The following DOCK5 variants were observed in gnomAD, a reference collection of about 807,000 sequenced individuals.
DOCK5 encodes the protein dedicator of cytokinesis protein 5.
A neutral mutation model predicts 251.8 loss-of-function variants in DOCK5; 142 were observed. That is an observed-to-expected ratio of 0.56 (90% CI 0.49 to 0.65). The LOEUF (loss-of-function observed/expected upper bound fraction) is 0.65, where lower values mean the gene tolerates loss of function less well. Ranked by LOEUF, DOCK5 falls within the 30% of genes least tolerant of loss-of-function variation. The pLI, the probability that DOCK5 is intolerant of heterozygous loss-of-function variation, is 0.00. For missense variants in DOCK5, 2,111 were observed against 2,312.3 expected, an observed-to-expected ratio of 0.91 and a Z score of 1.79; for synonymous variants, 842 against 835.5, an observed-to-expected ratio of 1.01 and a Z score of -0.13.
rs566970951 is a variant in DOCK5, at chr8:25,348,402, G to A, written c.2754+2791G>A. Among the ~76,000 whole-genome samples the A allele has an allele frequency of 4.6e-5, 7 of 152,226 alleles. No individual in the cohort carries two copies. In the South Asian group the frequency reaches 1.5e-3, roughly 32 times the overall value. ...TTTATCACTTTGTACATTGAGTTAGGAATGCAGCTCACAAATCCTTGGGAA... is the reference window on the plus strand; with the variant it reads ...TTTATCACTTTGTACATTGAGTTAGAAATGCAGCTCACAAATCCTTGGGAA... On this transcript the variant is annotated intron_variant, in intron 26 of 51. Transcript: ENST00000276440.
At chr8:25,410,972 T>TGTGTGTGTGTGTGTGTGTGC (rs1331552371) in intron 51 of DOCK5, among the ~76,000 whole-genome samples, 1 of 19,168 alleles carries the variant, frequency 5.2e-5, no homozygotes, top group Non-Finnish European at 1.2e-4. Flanking sequence ...TGTGTGTGTG[T>TGTGTGTGTGTGTGTGTGTGC]GCGCGCGCGC....
chr8:25,309,841 A>C (rs987684187), intron 12 of DOCK5, among the ~76,000 whole-genome samples: 1 of 152,076 alleles, frequency 6.6e-6, no homozygotes, highest in East Asian at 1.9e-4. Flanking sequence ...AAAAGAAAGA[A>C]AGACAGAAAA....
chr8:25,340,341 A>T (rs912566014), intron 22 of DOCK5, among the ~76,000 whole-genome samples: 8 of 152,230 alleles, frequency 5.3e-5, no homozygotes, highest in African/African-American at 1.9e-4. Flanking sequence ...ACATGTGTGT[A>T]TTTGAGTGTG....
At position 25,390,289 on chromosome 8, in the gene DOCK5, TA is replaced by T; in HGVS notation, c.4355+4del. The T allele has an allele frequency of 6.4e-7, 1 of 1,553,872 alleles. No homozygotes were observed. Among genetic ancestry groups the T allele is most frequent in the Non-Finnish European group, 8.7e-7 (1 of 1,152,222 alleles). On this transcript the variant is annotated splice_donor_region_variant and intron_variant, in intron 42 of 51. Transcript: ENST00000276440. ...ACCTGTTCCAGAGCAGATCTTAAAG[TA>T]AGTGGTTTTTCATTTAAAAAAAAAA...
chr8:25,361,548 A>AG (rs1294617564), intron 28 of DOCK5, among the ~76,000 whole-genome samples: 1 of 152,200 alleles, frequency 6.6e-6, no homozygotes, highest in African/African-American at 2.4e-5. Context: ...CGTGAGGTGG[A>AG]GGTTGCAGTA....
chr8:25,248,962 T>C (rs901176732), intron 2 of DOCK5, among the ~76,000 whole-genome samples: 6 of 152,184 alleles, frequency 3.9e-5, no homozygotes, highest in Non-Finnish European at 8.8e-5. Flanking sequence ...TCTGCAATTA[T>C]AGGAGGATTT....
intron 16 of DOCK5, among the ~76,000 whole-genome samples, chr8:25,322,139 A>G (rs1259688389): frequency 1.3e-5 from 2 of 152,236 alleles, no homozygotes. Context: ...GCATGTGTTG[A>G]ACACCATCTA....
At position 25,211,446 on chromosome 8, in the gene DOCK5, G is replaced by A. The variant is rs1802120953; in HGVS notation, c.43+26495G>A. The stretch of plus-strand genomic sequence containing the variant: ...AGGGCCTGGCACACACCTAGTAAGT[G>A]CTCAATAAAATATGGGCAAGCATTT... On this transcript the variant is annotated intron_variant, in intron 1 of 51. Coordinates refer to ENST00000276440, the MANE Select transcript of DOCK5 (RefSeq NM_024940.8). Among the ~76,000 whole-genome samples, 2 of 71,054 alleles carry A rather than the reference G, an allele frequency of 2.8e-5. 1 individual carries two copies. Among genetic ancestry groups the A allele is most frequent in the East Asian group, 6.2e-4 (2 of 3,210 alleles). The allele number at this position is 71,054 out of a possible 152,430, so 46.6% of individuals were successfully genotyped here.
At chr8:25,375,875 A>G in intron 37 of DOCK5, 2 of 936,150 alleles carry the variant, frequency 2.1e-6, no homozygotes, top group South Asian at 4.9e-5. Context: ...AGGCCAGCAG[A>G]TCACTTGGGG....
chr8:25,218,059 G>GT (rs1802293858), intron 1 of DOCK5, among the ~76,000 whole-genome samples: 1 of 152,224 alleles, frequency 6.6e-6, no homozygotes. Flanking sequence ...AAGCAAATAA[G>GT]TATCACAGGT....
At chr8:25,279,868 A>C (rs189603915) in intron 5 of DOCK5, among the ~76,000 whole-genome samples, 1 of 151,284 alleles carries the variant, frequency 6.6e-6, no homozygotes, top group East Asian at 2.0e-4. Flanking sequence ...CAAGTGATCT[A>C]TGTGTCTTGG....
At chr8:25,392,994 C>G in intron 44 of DOCK5, 112 bp downstream of exon 44, 2 of 863,866 alleles carry the variant, frequency 2.3e-6, no homozygotes, top group Non-Finnish European at 3.7e-6. Context: ...CCTCCTCTGG[C>G]CAACTTTGTT....
At chr8:25,299,123 T>C (rs750664014) in intron 8 of DOCK5, 22 bp downstream of exon 8, 1 of 1,609,958 alleles carries the variant, frequency 6.2e-7, no homozygotes, top group African/African-American at 1.3e-5. Context: ...CCACATCCCC[T>C]GCTGCTGACC....
intron 1 of DOCK5, among the ~76,000 whole-genome samples, chr8:25,199,382 T>TC (rs1801824511): frequency 1.4e-5 from 2 of 146,052 alleles, no homozygotes; most frequent in African/African-American, 2.5e-5. Flanking sequence ...GCTCTGTTCT[T>TC]TTTTTTTTTT....
intron 2 of DOCK5, among the ~76,000 whole-genome samples, chr8:25,264,138 G>A (rs911641449): frequency 3.3e-5 from 5 of 151,854 alleles, no homozygotes; most frequent in Admixed American, 2.6e-4. Flanking sequence ...CTAGGCAGGC[G>A]AACCGCTTGA....
At chr8:25,291,303 G>T (rs534611245) in intron 5 of DOCK5, among the ~76,000 whole-genome samples, 378 of 152,226 alleles carry the variant, frequency 2.5e-3, no homozygotes, top group African/African-American at 8.8e-3. Context: ...AATGGCTCGG[G>T]AGAAAGCCAT....
intron 2 of DOCK5, among the ~76,000 whole-genome samples, chr8:25,249,103 A>T (rs776503161): frequency 6.6e-6 from 1 of 152,026 alleles, no homozygotes; most frequent in Admixed American, 6.6e-5. Context: ...GACTCAACGG[A>T]TGCTCCTGCT....
At chr8:25,240,277 TA>T (rs11314754) in intron 1 of DOCK5, among the ~76,000 whole-genome samples, 3,906 of 134,398 alleles carry the variant, frequency 0.029, 135 homozygotes, top group African/African-American at 0.085. Context: ...TAAATCTACT[TA>T]AAAAAAAAAA....
rs772034248 is a variant in DOCK5, at chr8:25,369,576, A to G, written c.3459A>G (p.Thr1153=). 1.7e-5 allele frequency: 28 copies of G among 1,611,278 alleles called. No individual in the cohort carries two copies. The South Asian group carries it at 3.0e-4, about 17-fold the overall frequency. ...TTCAGTTTGAGAATGAGCTGATCAC[A>G]AAGCTGGACCAGGAGGTAGAAGGGG... ...NFHMFENELI[T]KLDQEVEGGR... The change falls in exon 34 of 52, where the codon ACA becomes ACG. Residue 1153 remains threonine, a synonymous_variant. Coordinates refer to ENST00000276440, the MANE Select transcript of DOCK5 (RefSeq NM_024940.8).
Sources: allele counts gnomAD v4.1 joint callset (sites outside exome capture counted in the v4.1 genomes callset), GRCh38; gene constraint gnomAD v4.1.1; transcripts MANE v1.5; gene names NCBI Gene and HGNC (gene_info 2026-07-23, HGNC 2026-07-21).